The following NSMAF variants were observed in gnomAD, a reference collection of about 807,000 sequenced individuals.
NSMAF encodes the protein neutral sphingomyelinase activation associated factor.
Under a neutral mutation model 134.9 loss-of-function variants are expected in NSMAF, and 90 were observed. The ratio of observed to expected loss-of-function variants is 0.67; its 90% CI spans 0.56 to 0.79. The LOEUF is 0.79. Ranked by LOEUF, NSMAF falls within the 30% of genes least tolerant of loss-of-function variation. The pLI is 0.00. For synonymous variants in NSMAF, 358 were observed against 389.6 expected, an observed-to-expected ratio of 0.92 and a Z score of 0.96; for missense variants, 1,010 against 1,119.0, an observed-to-expected ratio of 0.90 and a Z score of 1.39.
chr8:58,648,875 G>T (rs532331172), intron 1 of NSMAF, among the ~76,000 whole-genome samples: 1 of 152,246 alleles, frequency 6.6e-6, no homozygotes. Flanking sequence ...CTACAAGGAT[G>T]GGGCCCATAC....
intron 12 of NSMAF, among the ~76,000 whole-genome samples, chr8:58,603,653 TA>T (rs1806338244): frequency 6.6e-6 from 1 of 152,160 alleles, no homozygotes; most frequent in Non-Finnish European, 1.5e-5. Flanking sequence ...TACAAAAGTG[TA>T]GCGCAAATAT....
Position 58,589,508 on chromosome 8 carries a change from TACTA to T in NSMAF, c.2151_2154del (p.Ser718ArgfsTer18). 1.9e-6 allele frequency: 3 copies of T among 1,569,682 alleles called. No individual in the cohort carries two copies. Among genetic ancestry groups the T allele is most frequent in the Non-Finnish European group, 1.7e-6 (2 of 1,165,570 alleles). ...AGCCTGTTGTCATGCCAACAGATCTTACTAACAGCATCATCATGTCCCATTAACG... is the reference window on the plus strand; with the variant it reads ...AGCCTGTTGTCATGCCAACAGATCTTACAGCATCATCATGTCCCATTAACG... On this transcript the variant is annotated frameshift_variant, in exon 26 of 31. Coordinates refer to ENST00000038176, the MANE Select transcript of NSMAF (RefSeq NM_003580.4). LOFTEE classifies it high-confidence loss of function.
Position 58,659,823 on chromosome 8 carries a change from C to T in NSMAF, c.-192G>A. The T allele has an allele frequency of 3.3e-6, 1 of 299,896 alleles. No individual in the cohort carries two copies. The highest frequency in any genetic ancestry group is 6.0e-6 in the Non-Finnish European group (1 of 167,182). The allele number at this position is 299,896 out of a possible 1,614,324, so 18.6% of individuals were successfully genotyped here. A position where few individuals can be genotyped will look rare whatever the true frequency, so the allele number is the denominator to read the frequency against. The stretch of plus-strand genomic sequence containing the variant: ...GGCGTCCCGGCCGCGCTCACCGCAG[C>T]ATCCTCGCGTGGGGACTCCGGCGGC... On this transcript the variant is annotated 5_prime_UTR_variant, in exon 1 of 31. An upstream start codon of the reference 5' UTR is lost. Transcript: ENST00000038176.
chr8:58,656,324 T>TATA (rs756506039), intron 1 of NSMAF, among the ~76,000 whole-genome samples: 2 of 152,176 alleles, frequency 1.3e-5, no homozygotes, highest in Non-Finnish European at 2.9e-5. Context: ...TTAACCAGGA[T>TATA]ATAAGTATAC....
chr8:58,626,900 T>C (rs1806944727), intron 6 of NSMAF, among the ~76,000 whole-genome samples: 1 of 152,234 alleles, frequency 6.6e-6, no homozygotes, highest in East Asian at 1.9e-4. Flanking sequence ...TTATGGCCAT[T>C]CTCACTAAGT....
chr8:58,636,987 C>T (rs892293713), intron 2 of NSMAF, among the ~76,000 whole-genome samples: 10 of 151,764 alleles, frequency 6.6e-5, no homozygotes, highest in Non-Finnish European at 1.3e-4. Flanking sequence ...TGTTGTCTTC[C>T]TATCCTTCGA....
chr8:58,631,350 G>A (rs1807053764), intron 6 of NSMAF, 146 bp downstream of exon 6: 2 of 426,830 alleles, frequency 4.7e-6, no homozygotes, highest in Non-Finnish European at 8.6e-6. Context: ...TGGCTCCCTT[G>A]GGTAATTTTG....
At chr8:58,645,079 T>G (rs1339950808) in intron 1 of NSMAF, among the ~76,000 whole-genome samples, 3 of 151,320 alleles carry the variant, frequency 2.0e-5, no homozygotes, top group Admixed American at 6.6e-5. Flanking sequence ...AACCTGCACG[T>G]TCTGCACATG....
In NSMAF at chr8:58,643,359, CT is replaced by C. The variant is rs199714587; in HGVS notation, c.60-287del. ...TGAATTTTGTGAAGTTAAACTTATC[CT>C]TATCTGAACAAAGCTCAGCGCTTTC... On this transcript the variant is annotated intron_variant, in intron 1 of 30. Transcript: ENST00000038176. Among the ~76,000 whole-genome samples, 1,205 of 152,196 alleles carry C rather than the reference CT, an allele frequency of 7.9e-3. 18 individuals carry two copies. Among genetic ancestry groups the C allele is most frequent in the African/African-American group, 0.027 (1,128 of 41,500 alleles).
At chr8:58,589,329 T>C in intron 26 of NSMAF, 123 bp downstream of exon 26, 1 of 610,644 alleles carries the variant, frequency 1.6e-6, no homozygotes, top group Non-Finnish European at 2.4e-6. Context: ...GTGGAGTGAC[T>C]GAACACATTA....
At chr8:58,618,054 C>T (rs919774476) in intron 9 of NSMAF, among the ~76,000 whole-genome samples, 8 of 152,100 alleles carry the variant, frequency 5.3e-5, no homozygotes, top group Non-Finnish European at 7.4e-5. Context: ...AGCAAACTAT[C>T]GCAAGGACAG....
chr8:58,608,194 G>A (rs1390171835), intron 10 of NSMAF, among the ~76,000 whole-genome samples: 1 of 152,132 alleles, frequency 6.6e-6, no homozygotes, highest in African/African-American at 2.4e-5. Flanking sequence ...AACCTCTCAG[G>A]AATCTTGCTA....
At chr8:58,603,436 T>A in intron 12 of NSMAF, 50 bp from the exon 13 acceptor site, 1 of 1,585,528 alleles carries the variant, frequency 6.3e-7, no homozygotes, top group Non-Finnish European at 8.6e-7. Context: ...GCAAACTTAG[T>A]ATGCAAAAGC....
intron 1 of NSMAF, among the ~76,000 whole-genome samples, chr8:58,655,001 G>GA (rs1554578647): frequency 4.1e-5 from 6 of 147,350 alleles, no homozygotes; most frequent in Non-Finnish European, 9.1e-5. Flanking sequence ...CACCCGGCTA[G>GA]TTTTTTTTTT....
intron 1 of NSMAF, chr8:58,659,289 A>G: frequency 6.6e-7 from 1 of 1,521,870 alleles, no homozygotes; most frequent in Admixed American, 2.0e-5. Context: ...CGGGACCTGC[A>G]CTGCCGGATA....
intron 16 of NSMAF, among the ~76,000 whole-genome samples, chr8:58,600,336 C>T (rs144600575): frequency 3.4e-4 from 51 of 152,212 alleles, no homozygotes; most frequent in Non-Finnish European, 1.3e-4. Flanking sequence ...GAAAGATTAG[C>T]ACCACTGGTA....
chr8:58,654,482 G>A (rs760503733), intron 1 of NSMAF, among the ~76,000 whole-genome samples: 1 of 152,042 alleles, frequency 6.6e-6, no homozygotes, highest in Admixed American at 6.6e-5. Flanking sequence ...CCCAGGAGGC[G>A]GAGTTTGCGG....
At chr8:58,617,205 C>T (rs900492099) in intron 9 of NSMAF, among the ~76,000 whole-genome samples, 2 of 152,090 alleles carry the variant, frequency 1.3e-5, no homozygotes, top group Admixed American at 6.5e-5. Flanking sequence ...ACCATAAAAA[C>T]CCTAGAAGAA....
At chr8:58,657,080 CA>C (rs1158420940) in intron 1 of NSMAF, among the ~76,000 whole-genome samples, 1 of 152,142 alleles carries the variant, frequency 6.6e-6, no homozygotes, top group Non-Finnish European at 1.5e-5. Flanking sequence ...TACACCACAC[CA>C]AGACCTGTCA....
Sources: gnomAD v4.1 joint callset for allele counts (sites outside exome capture counted in the v4.1 genomes callset) on GRCh38, gnomAD v4.1.1 for gene constraint, MANE v1.5 for transcripts, NCBI Gene and HGNC (gene_info 2026-07-23, HGNC 2026-07-21) for gene names.